The following ARNT2 variants were observed in gnomAD, a reference collection of about 807,000 sequenced individuals.
ARNT2 encodes the protein aryl hydrocarbon receptor nuclear translocator 2.
In ARNT2, 36 loss-of-function variants were observed where a neutral mutation model predicts 91.7. The ratio of observed to expected loss-of-function variants is 0.39; its 90% CI spans 0.30 to 0.52. The LOEUF is 0.52. Ranked by LOEUF, ARNT2 falls within the 20% of genes least tolerant of loss-of-function variation. The pLI, the probability that ARNT2 is intolerant of heterozygous loss-of-function variation, is 0.72. For missense variants in ARNT2, 775 were observed against 939.3 expected (o/e 0.83, Z 2.29); for synonymous variants, 365 against 347.1 (o/e 1.05, Z -0.57).
intron 1 of ARNT2, among the ~76,000 whole-genome samples, chr15:80,409,060 A>T (rs1029288421): frequency 7.2e-5 from 11 of 152,150 alleles, no homozygotes; most frequent in African/African-American, 2.7e-4. Context: ...CAATTGATGA[A>T]CCTACAATGA....
intron 4 of ARNT2, among the ~76,000 whole-genome samples, chr15:80,472,580 G>A (rs1476644920): frequency 6.6e-6 from 1 of 152,188 alleles, no homozygotes; most frequent in African/African-American, 2.4e-5. Context: ...CATCCCAGTG[G>A]TCATGGGAGC....
chr15:80,538,115 CAAAG>C lies in ARNT2; in HGVS notation c.878-13081_878-13078del, dbSNP rs369044442. ...CCAAAACGAAGAGTTCATAGTAAAA[CAAAG>C]AAGTCATGAAATTTTATAATATTTA... On this transcript the variant is annotated intron_variant, in intron 8 of 18. Coordinates refer to ENST00000303329, the MANE Select transcript of ARNT2 (RefSeq NM_014862.4). Among the ~76,000 whole-genome samples, 753 of 152,138 alleles carry C rather than the reference CAAAG, an allele frequency of 4.9e-3. 7 individuals carry two copies. The highest frequency in any genetic ancestry group is 0.018 in the African/African-American group (727 of 41,494).
Position 80,450,984 on chromosome 15 carries a change from C to T in ARNT2, c.136C>T (p.Arg46Trp), listed in dbSNP as rs140468271. 2.5e-6 allele frequency: 4 copies of T among 1,613,706 alleles called. No individual in the cohort carries two copies. Among genetic ancestry groups the T allele is most frequent in the South Asian group, 1.1e-5 (1 of 91,072 alleles). ...GGCCATGCCTGCCCGTGGAGGAAAGCGGCGTTCCGGGTAAGCGACCTCAGC... is the reference window on the plus strand; with the variant it reads ...GGCCATGCCTGCCCGTGGAGGAAAGTGGCGTTCCGGGTAAGCGACCTCAGC... ...AGAMPARGGK[R>W]RSGMDFDDED... The change falls in exon 2 of 19, where the codon CGG becomes TGG. Residue 46 changes from arginine to tryptophan, a missense_variant. By Grantham distance (101) the Arg-to-Trp change is moderately radical. Around this residue, in one of 5 missense-constraint regions of ARNT2, gnomAD observed 79 missense variants for 83.8 expected, o/e 0.94. Coordinates refer to ENST00000303329, the MANE Select transcript of ARNT2 (RefSeq NM_014862.4).
At chr15:80,480,937 C>CT (rs1480425228) in intron 5 of ARNT2, among the ~76,000 whole-genome samples, 1 of 152,172 alleles carries the variant, frequency 6.6e-6, no homozygotes, top group Admixed American at 6.5e-5. Flanking sequence ...TGCAGCTTAC[C>CT]TTGCGATCAG....
At chr15:80,426,893 C>T (rs1895940289) in intron 1 of ARNT2, among the ~76,000 whole-genome samples, 1 of 152,176 alleles carries the variant, frequency 6.6e-6, no homozygotes, top group African/African-American at 2.4e-5. Context: ...GGACAGCCAC[C>T]TTCTTCCTAT....
intron 1 of ARNT2, among the ~76,000 whole-genome samples, chr15:80,423,530 A>G (rs1895890030): frequency 6.6e-6 from 1 of 152,224 alleles, no homozygotes; most frequent in African/African-American, 2.4e-5. Context: ...TAGATTTCCC[A>G]AGGTTGAGCT....
intron 3 of ARNT2, among the ~76,000 whole-genome samples, chr15:80,467,819 C>CT (rs1261368093): frequency 1.3e-5 from 2 of 152,152 alleles, no homozygotes; most frequent in African/African-American, 4.8e-5. Context: ...AAGCTCCTGG[C>CT]TGAGGAGTCA....
chr15:80,502,771 G>T (rs936311286), intron 5 of ARNT2, among the ~76,000 whole-genome samples: 1 of 152,152 alleles, frequency 6.6e-6, no homozygotes, highest in African/African-American at 2.4e-5. Flanking sequence ...ACTTCCAAGT[G>T]GGTATTCTGG....
chr15:80,512,072 C>T (rs1897350411), intron 6 of ARNT2, among the ~76,000 whole-genome samples: 1 of 152,204 alleles, frequency 6.6e-6, no homozygotes, highest in Non-Finnish European at 1.5e-5. Flanking sequence ...CCGTTGCGTA[C>T]TATGAATTTC....
chr15:80,591,790 C>T lies in ARNT2; in HGVS notation c.2055+86C>T. ...CCCTCGGTCTCTGCCGCACCACCGC[C>T]TGCCCGATAGCCGTCGTGAGTTCTG... is the stretch of plus-strand genomic sequence containing the variant. On this transcript the variant is annotated intron_variant, in intron 18 of 18. Coordinates refer to ENST00000303329, the MANE Select transcript of ARNT2 (RefSeq NM_014862.4). This position sits in a 1 kb window ranked among gnomAD's most constrained non-coding sequence, Gnocchi z 5.1. 1 of 1,574,010 alleles carries T rather than the reference C, an allele frequency of 6.4e-7. No homozygotes were observed. The highest frequency in any genetic ancestry group is 2.3e-5 in the East Asian group (1 of 44,344).
At position 80,563,086 on chromosome 15, in the gene ARNT2, A is replaced by G. The variant is rs754291471; in HGVS notation, c.1165-2A>G. 1.2e-5 allele frequency: 20 copies of G among 1,613,942 alleles called. No homozygotes were observed. The highest frequency in any genetic ancestry group is 8.5e-7 in the Non-Finnish European group (1 of 1,180,018). On this transcript the variant is annotated splice_acceptor_variant, in intron 11 of 18. Transcript: ENST00000303329. LOFTEE classifies it high-confidence loss of function. Reference sequence around the variant, plus strand: ...GACTTCCTTCTCCAAATGTTTTCTCAGGTGGTTAAGCTGAAAGGCCAAGTC... The same window carrying G: ...GACTTCCTTCTCCAAATGTTTTCTCGGGTGGTTAAGCTGAAAGGCCAAGTC...
intron 1 of ARNT2, among the ~76,000 whole-genome samples, chr15:80,409,918 G>C (rs1444218252): frequency 6.6e-6 from 1 of 152,144 alleles, no homozygotes; most frequent in East Asian, 1.9e-4. Flanking sequence ...AGGGAGCAAG[G>C]GTGAAAGCGG....
rs2141394290 is a variant in ARNT2 at position 80,469,940 on chromosome 15, CAAA to C, written c.195-275_195-273del. Among the ~76,000 whole-genome samples, 3 of 152,096 alleles carry C rather than the reference CAAA, an allele frequency of 2.0e-5. No homozygotes were observed. The East Asian group carries it at 5.8e-4, about 29-fold the overall frequency. On this transcript the variant is annotated intron_variant, in intron 3 of 18. Transcript: ENST00000303329. Reference sequence around the variant, plus strand: ...CTCGTGTCTCAATTTTTTATGCTTACAAAAATACCTCAGGCATATGGGAGTAAT... The same window carrying C: ...CTCGTGTCTCAATTTTTTATGCTTACAATACCTCAGGCATATGGGAGTAAT...
intron 13 of ARNT2, 93 bp downstream of exon 13, chr15:80,574,313 C>A (rs1898631851): frequency 1.6e-6 from 2 of 1,240,044 alleles, no homozygotes; most frequent in Non-Finnish European, 2.4e-6. Context: ...CCCCTCAACA[C>A]AAAGGATTGC....
In ARNT2 at chr15:80,516,828, A is replaced by AATATATATATATATATATATATATATAT. The variant is rs56146872; in HGVS notation, c.877+2424_877+2451dup. On this transcript the variant is annotated intron_variant, in intron 8 of 18. Coordinates refer to ENST00000303329, the MANE Select transcript of ARNT2 (RefSeq NM_014862.4). ...TTTACAATTATTATATACAATTACAAATATATATATATATATATATATATA... is the reference window on the plus strand; with the variant it reads ...TTTACAATTATTATATACAATTACAAATATATATATATATATATATATATATATATATATATATATATATATATATATA... Among the ~76,000 whole-genome samples, 35 of 74,802 alleles carry AATATATATATATATATATATATATATAT rather than the reference A, an allele frequency of 4.7e-4. 9 individuals are homozygous for AATATATATATATATATATATATATATAT. The highest frequency in any genetic ancestry group is 1.4e-3 in the East Asian group (3 of 2,164). 49.1% of individuals were successfully genotyped at this position (74,802 alleles called of 152,430 possible). A position where few individuals can be genotyped will look rare whatever the true frequency, so the allele number is the denominator to read the frequency against.
At position 80,552,624 on chromosome 15, in the gene ARNT2, A is replaced by G; in HGVS notation, c.955-16A>G. 1 of 1,612,852 alleles carries G rather than the reference A, an allele frequency of 6.2e-7. No homozygotes were observed. Among genetic ancestry groups the G allele is most frequent in the Non-Finnish European group, 8.5e-7 (1 of 1,179,222 alleles). On this transcript the variant is annotated splice_polypyrimidine_tract_variant and intron_variant, in intron 9 of 18. Transcript: ENST00000303329. ...TCTGTCAACACCACCTCAACTGTGG[A>G]TTTTCCCCATCCCAGGTGACCAGCT...
intron 8 of ARNT2, among the ~76,000 whole-genome samples, chr15:80,523,862 A>G (rs753773917): frequency 1.8e-4 from 28 of 152,194 alleles, no homozygotes; most frequent in Non-Finnish European, 3.4e-4. Context: ...CAGTGGGACT[A>G]TTATGCATTA....
At chr15:80,518,310 C>T (rs1897476763) in intron 8 of ARNT2, among the ~76,000 whole-genome samples, 1 of 103,290 alleles carries the variant, frequency 9.7e-6, no homozygotes, top group African/African-American at 3.9e-5. Flanking sequence ...GAGATGGAGT[C>T]TCGCACTGTC....
At chr15:80,589,902 G>A (rs1893243130) in intron 17 of ARNT2, among the ~76,000 whole-genome samples, 1 of 152,152 alleles carries the variant, frequency 6.6e-6, no homozygotes, top group Non-Finnish European at 1.5e-5. Context: ...TCTCTCTTAT[G>A]CTAAGGAGGG....
Sources: allele counts gnomAD v4.1 joint callset (sites outside exome capture counted in the v4.1 genomes callset), GRCh38; gene constraint gnomAD v4.1.1; regional missense constraint gnomAD v4.1.1; non-coding constraint Gnocchi (gnomAD v3.1); transcripts MANE v1.5; gene names NCBI Gene and HGNC (gene_info 2026-07-23, HGNC 2026-07-21).